MIER1: variants seen among roughly 807,000 people sequenced by gnomAD.
MIER1 encodes the protein mesoderm induction early response protein 1.
A neutral mutation model predicts 75.7 loss-of-function variants in MIER1; 40 were observed. The observed-to-expected ratio is 0.53, with a 90% CI of 0.41 to 0.69. The LOEUF is 0.69. Among genes scored for constraint, MIER1 ranks in the 30% least tolerant of loss-of-function variants. The probability of loss-of-function intolerance (pLI) is 0.00; values close to 1 mark genes in which losing one functional copy is unlikely to be tolerated. For synonymous variants in MIER1, 213 were observed against 223.4 expected, an observed-to-expected ratio of 0.95 and a Z score of 0.42; for missense variants, 574 against 680.2, an observed-to-expected ratio of 0.84 and a Z score of 1.74.
intron 4 of MIER1, among the ~76,000 whole-genome samples, chr1:66,955,015 A>G (rs528717933): frequency 2.0e-5 from 3 of 152,218 alleles, no homozygotes; most frequent in Admixed American, 6.6e-5. Context: ...GGCCTGAGAA[A>G]TGAATTTTTA....
chr1:66,963,220 T>G (rs1000728794), intron 8 of MIER1, 60 bp downstream of exon 8: 1 of 1,064,356 alleles, frequency 9.4e-7, no homozygotes. Context: ...GAACTGTTAC[T>G]TTATATGTAA....
chr1:66,971,894 G>A (rs1663683225), intron 10 of MIER1, among the ~76,000 whole-genome samples, 158 bp downstream of exon 10: 1 of 151,914 alleles, frequency 6.6e-6, no homozygotes, highest in Non-Finnish European at 1.5e-5. Context: ...TCGTTACGGG[G>A]AGTGGGATTA....
chr1:66,943,010 T>A (rs577704626), intron 3 of MIER1, among the ~76,000 whole-genome samples: 1 of 152,340 alleles, frequency 6.6e-6, no homozygotes, highest in African/African-American at 2.4e-5. Context: ...TGATAATACC[T>A]GTGTCTAATT....
intron 8 of MIER1, among the ~76,000 whole-genome samples, chr1:66,963,371 A>G (rs1661641949): frequency 6.6e-6 from 1 of 152,224 alleles, no homozygotes; most frequent in Non-Finnish European, 1.5e-5. Context: ...CTAGCCAAAA[A>G]AGGAAAAAGT....
At chr1:66,930,754 C>G (rs551425509) in intron 2 of MIER1, among the ~76,000 whole-genome samples, 1 of 152,216 alleles carries the variant, frequency 6.6e-6, no homozygotes, top group East Asian at 1.9e-4. Flanking sequence ...CTTCCTCTTG[C>G]GAAGTTTTTT....
chr1:66,946,636 T>C (rs964456099), intron 4 of MIER1: 143 of 1,000,650 alleles, frequency 1.4e-4, no homozygotes, highest in Non-Finnish European at 1.7e-4. Flanking sequence ...CTTTTACTTA[T>C]TCTCCTTCAG....
Position 66,970,970 on chromosome 1 carries a change from G to T in MIER1, c.924+11G>T. On this transcript the variant is annotated intron_variant, in intron 9 of 13. Transcript: ENST00000401041. ...AAAGACAATGAACAGGTCTGTGAAA[G>T]AAACAACTGTTAGAACTTTGCCATA... 1 of 1,567,208 alleles carries T rather than the reference G, an allele frequency of 6.4e-7. No individual in the cohort carries two copies. Among genetic ancestry groups the T allele is most frequent in the South Asian group, 1.2e-5 (1 of 81,502 alleles).
intron 2 of MIER1, among the ~76,000 whole-genome samples, chr1:66,938,731 T>A (rs1655507451): frequency 6.6e-6 from 1 of 152,156 alleles, no homozygotes; most frequent in African/African-American, 2.4e-5. Flanking sequence ...AACTTTAAAA[T>A]AATGGTAGTG....
At chr1:66,949,467 A>G (rs1470218595) in intron 4 of MIER1, among the ~76,000 whole-genome samples, 1 of 152,200 alleles carries the variant, frequency 6.6e-6, no homozygotes, top group African/African-American at 2.4e-5. Context: ...AGAATTATTT[A>G]TAGAGATAGG....
Position 66,971,756 on chromosome 1 carries a change from A to G in MIER1, c.1006+20A>G. 7.9e-7 allele frequency: 1 copy of G among 1,271,914 alleles called. No individual in the cohort carries two copies. Among genetic ancestry groups the G allele is most frequent in the South Asian group, 1.3e-5 (1 of 74,260 alleles). 78.8% of individuals were successfully genotyped at this position (1,271,914 alleles called of 1,614,324 possible). A position where few individuals can be genotyped will look rare whatever the true frequency, so the allele number is the denominator to read the frequency against. On this transcript the variant is annotated intron_variant, in intron 10 of 13. Coordinates refer to ENST00000401041, the MANE Select transcript of MIER1 (RefSeq NM_001077700.3). ...CTAGAGGTAAGTATAGTTTTTATTC[A>G]TTTTCATGATTTGGCAGAAATTTTA... is the stretch of plus-strand genomic sequence containing the variant.
At chr1:66,970,079 TTTC>T (rs1243545569) in intron 8 of MIER1, among the ~76,000 whole-genome samples, 6 of 152,166 alleles carry the variant, frequency 3.9e-5, no homozygotes, top group Non-Finnish European at 5.9e-5. Flanking sequence ...TTATCCATGT[TTTC>T]TTCTTATCAT....
intron 5 of MIER1, among the ~76,000 whole-genome samples, chr1:66,958,521 G>A (rs879763882): frequency 2.0e-5 from 3 of 151,862 alleles, no homozygotes; most frequent in Non-Finnish European, 2.9e-5. Context: ...TTGGCAGTTT[G>A]TGTTTATTTT....
chr1:66,961,991 G>C (rs1259067442), intron 7 of MIER1, among the ~76,000 whole-genome samples: 1 of 152,184 alleles, frequency 6.6e-6, no homozygotes. Flanking sequence ...ACAATAGCAG[G>C]AGAGAGACTT....
rs548665931 is a variant in MIER1, at chr1:66,984,003, C to T, written c.1370-569C>T. 1.8e-4 allele frequency among the ~76,000 whole-genome samples: 27 copies of T among 152,318 alleles called. 1 individual carries two copies. In the Middle Eastern group the frequency reaches 0.017, roughly 96 times the overall value. On this transcript the variant is annotated intron_variant, in intron 13 of 13. Transcript: ENST00000401041. ...CCTCCCAAAGTGCTGGGAATACAGG[C>T]GTGAGCCACTGCACCCAGCCTTGTG...
At chr1:66,947,931 G>A in intron 4 of MIER1, 1 of 985,282 alleles carries the variant, frequency 1.0e-6, no homozygotes, top group Non-Finnish European at 1.2e-6. Context: ...TTATCCTCTG[G>A]GTTCGGTGTT....
intron 7 of MIER1, among the ~76,000 whole-genome samples, chr1:66,961,104 C>T (rs373809659): frequency 6.6e-6 from 1 of 151,962 alleles, no homozygotes. Flanking sequence ...ATTAACCACA[C>T]CTTTCTCAGA....
At chr1:66,972,728 TTAAA>T (rs1471046067) in intron 10 of MIER1, among the ~76,000 whole-genome samples, 165 bp from the exon 11 acceptor site, 1 of 152,028 alleles carries the variant, frequency 6.6e-6, no homozygotes, top group Non-Finnish European at 1.5e-5. Flanking sequence ...CAAAATCTTA[TTAAA>T]TAAGGAATTG....
At chr1:66,947,096 G>T in intron 4 of MIER1, 1 of 710,920 alleles carries the variant, frequency 1.4e-6, no homozygotes, top group Non-Finnish European at 1.7e-6. Flanking sequence ...CAGATTTTTT[G>T]GACCTCTCCC....
chr1:66,984,037 T>G (rs1048574495), intron 13 of MIER1, among the ~76,000 whole-genome samples: 2 of 152,242 alleles, frequency 1.3e-5, no homozygotes, highest in African/African-American at 4.8e-5. Flanking sequence ...TGTGATCTTT[T>G]AAAGTACAGT....
Sources: allele counts gnomAD v4.1 joint callset (sites outside exome capture counted in the v4.1 genomes callset), GRCh38; gene constraint gnomAD v4.1.1; transcripts MANE v1.5; gene names NCBI Gene and HGNC (gene_info 2026-07-23, HGNC 2026-07-21).